The following DACH2 variants were observed in gnomAD, a reference collection of about 807,000 sequenced individuals.
DACH2 encodes the protein dachshund family transcription factor 2.
DACH2 carries 17 observed loss-of-function variants against 35.8 expected under a neutral mutation model. The observed-to-expected ratio is 0.48, with a 90% CI of 0.33 to 0.71. DACH2 has a LOEUF of 0.71. Among genes scored for constraint, DACH2 ranks in the 30% least tolerant of loss-of-function variants. The pLI, the probability that DACH2 is intolerant of heterozygous loss-of-function variation, is 0.02. For synonymous variants in DACH2, 195 were observed against 177.3 expected, an observed-to-expected ratio of 1.10 and a Z score of -0.79; for missense variants, 469 against 472.7, an observed-to-expected ratio of 0.99 and a Z score of 0.07.
chrX:86,306,715 G>C (rs1013942082), intron 1 of DACH2, among the ~76,000 whole-genome samples: 4 of 111,620 alleles, frequency 3.6e-5, no homozygotes, highest in South Asian at 7.7e-4. Flanking sequence ...GGCTCTCCTT[G>C]CTCCTCAGCT....
intron 7 of DACH2, among the ~76,000 whole-genome samples, chrX:86,790,272 C>T (rs1217849210): frequency 1.8e-5 from 2 of 111,624 alleles, no homozygotes; most frequent in Non-Finnish European, 3.8e-5. Context: ...TCAATATAGT[C>T]GTATGCATAG....
intron 2 of DACH2, among the ~76,000 whole-genome samples, chrX:86,445,700 G>A (rs2037259855): frequency 1.8e-5 from 2 of 109,587 alleles, no homozygotes; most frequent in African/African-American, 6.6e-5. Context: ...GATTTCTAGT[G>A]TTATGTCACT....
chrX:86,571,294 C>A lies in DACH2; in HGVS notation c.640+56903C>A, dbSNP rs191328081. On this transcript the variant is annotated intron_variant, in intron 3 of 11. Coordinates refer to ENST00000373125, the MANE Select transcript of DACH2 (RefSeq NM_053281.3). ...CTATTAGGTCCCATGGGTTTTTATT[C>A]TTTTTATTATTATTATTATACTTTT... is the stretch of plus-strand genomic sequence containing the variant. 1.8e-3 allele frequency among the ~76,000 whole-genome samples: 204 copies of A among 110,602 alleles called. 1 individual carries two copies. Among genetic ancestry groups the A allele is most frequent in the African/African-American group, 6.5e-3 (198 of 30,485 alleles).
intron 1 of DACH2, among the ~76,000 whole-genome samples, chrX:86,283,804 A>G (rs1342105813): frequency 9.2e-6 from 1 of 108,700 alleles, no homozygotes; most frequent in African/African-American, 3.4e-5. Context: ...GCAAACCACC[A>G]TGGCAGTTGT....
chrX:86,566,674 T>C (rs2039296242), intron 3 of DACH2, among the ~76,000 whole-genome samples: 1 of 111,296 alleles, frequency 9.0e-6, no homozygotes, highest in Non-Finnish European at 1.9e-5. Context: ...TGACCTTTAA[T>C]GACGGCTATT....
At chrX:86,542,042 C>T (rs2038891080) in intron 3 of DACH2, among the ~76,000 whole-genome samples, 1 of 111,667 alleles carries the variant, frequency 9.0e-6, no homozygotes, top group South Asian at 3.7e-4. Context: ...TCATTTTAAA[C>T]TATTTTTTTT....
At chrX:86,193,534 A>G (rs753677193) in intron 1 of DACH2, among the ~76,000 whole-genome samples, 14 of 112,105 alleles carry the variant, frequency 1.2e-4, no homozygotes, top group African/African-American at 4.2e-4. Flanking sequence ...TGCTTACTTA[A>G]TGAGATAGCA....
chrX:86,611,946 AGTT>A (rs918352475), intron 3 of DACH2, among the ~76,000 whole-genome samples: 2 of 102,132 alleles, frequency 2.0e-5, no homozygotes, highest in Admixed American at 2.1e-4. Flanking sequence ...CAGTTGTTGA[AGTT>A]GTTGTTCCTG....
chrX:86,404,649 G>A (rs2036493795), intron 2 of DACH2, among the ~76,000 whole-genome samples: 1 of 111,674 alleles, frequency 9.0e-6, no homozygotes, highest in African/African-American at 3.3e-5. Context: ...GGTTTTCCAG[G>A]TGCACGATGC....
In DACH2 at chrX:86,640,639, G is replaced by C. The variant is rs151147148; in HGVS notation, c.641-10397G>C. On this transcript the variant is annotated intron_variant, in intron 3 of 11. Transcript: ENST00000373125. The stretch of plus-strand genomic sequence containing the variant: ...TGAGATCGCCTAGGAACTGCAGTGG[G>C]CAGCTAAGGAGTGCCAAGTCATGAA... 3.5e-3 allele frequency among the ~76,000 whole-genome samples: 386 copies of C among 110,910 alleles called. 2 individuals carry two copies. Among genetic ancestry groups the C allele is most frequent in the African/African-American group, 0.012 (369 of 30,470 alleles).
chrX:86,657,093 T>TG (rs1335380063), intron 4 of DACH2, among the ~76,000 whole-genome samples: 1 of 105,809 alleles, frequency 9.5e-6, no homozygotes, highest in East Asian at 3.0e-4. Context: ...AGAAGGGTAG[T>TG]GGGGGGTGAG....
intron 1 of DACH2, among the ~76,000 whole-genome samples, chrX:86,279,283 T>C (rs2033978629): frequency 2.7e-5 from 3 of 111,603 alleles, no homozygotes; most frequent in South Asian, 7.6e-4. Context: ...AGACACCTCA[T>C]ACAGGAGAGC....
At chrX:86,644,873 T>C (rs942486147) in intron 3 of DACH2, among the ~76,000 whole-genome samples, 12 of 111,129 alleles carry the variant, frequency 1.1e-4, no homozygotes, top group African/African-American at 3.9e-4. Context: ...ATGGAGCAGA[T>C]TGAAGCTGGA....
chrX:86,721,204 C>T (rs1002919454), intron 6 of DACH2, among the ~76,000 whole-genome samples: 2 of 112,317 alleles, frequency 1.8e-5, no homozygotes, highest in African/African-American at 3.2e-5. Context: ...CTTCTCATTA[C>T]GTATGCAAGT....
intron 4 of DACH2, among the ~76,000 whole-genome samples, chrX:86,673,037 C>G (rs2040783771): frequency 8.9e-6 from 1 of 111,737 alleles, no homozygotes; most frequent in African/African-American, 3.3e-5. Flanking sequence ...GACACGGAGT[C>G]AAAGAAGAAT....
intron 2 of DACH2, among the ~76,000 whole-genome samples, chrX:86,435,551 CAA>C (rs1267630813): frequency 3.6e-5 from 4 of 111,562 alleles, no homozygotes; most frequent in African/African-American, 1.3e-4. Context: ...CAAAATCATA[CAA>C]AGTTTGATTT....
chrX:86,790,073 G>A (rs1264322599), intron 7 of DACH2, among the ~76,000 whole-genome samples: 2 of 111,864 alleles, frequency 1.8e-5, no homozygotes, highest in Non-Finnish European at 3.8e-5. Flanking sequence ...AATGGAGAGA[G>A]TAGCTTTACG....
chrX:86,204,452 C>T (rs968126488), intron 1 of DACH2, among the ~76,000 whole-genome samples: 3 of 111,682 alleles, frequency 2.7e-5, no homozygotes, highest in Non-Finnish European at 3.8e-5. Flanking sequence ...AAGTACTCCC[C>T]AAGACTGGAC....
chrX:86,733,796 TG>T (rs1020441140), intron 6 of DACH2, among the ~76,000 whole-genome samples: 6 of 111,379 alleles, frequency 5.4e-5, no homozygotes, highest in Admixed American at 9.6e-5. Flanking sequence ...TGATAGGAAA[TG>T]GTCACACGGC....
Sources: gnomAD v4.1 joint callset for allele counts (sites outside exome capture counted in the v4.1 genomes callset) on GRCh38, gnomAD v4.1.1 for gene constraint, MANE v1.5 for transcripts, NCBI Gene and HGNC (gene_info 2026-07-23, HGNC 2026-07-21) for gene names.